Variants in PLCXD3 observed in about 807,000 individuals in gnomAD.
The protein encoded by PLCXD3 is phosphatidylinositol specific phospholipase C X domain containing 3, also known as PI-PLC X domain-containing protein 3.
Under a neutral mutation model 25.5 loss-of-function variants are expected in PLCXD3, and 19 were observed. The ratio of observed to expected loss-of-function variants is 0.75; its 90% CI spans 0.52 to 1.09. PLCXD3 has a LOEUF of 1.09. PLCXD3 is among the 50% of genes least tolerant of loss of function. The pLI, the probability that PLCXD3 is intolerant of heterozygous loss-of-function variation, is 0.00. For synonymous variants in PLCXD3, 174 were observed against 137.6 expected (o/e 1.26, Z -1.85); for missense variants, 411 against 388.1 (o/e 1.06, Z -0.50).
At chr5:41,404,306 C>A (rs1363418117) in intron 1 of PLCXD3, among the ~76,000 whole-genome samples, 1 of 152,054 alleles carries the variant, frequency 6.6e-6, no homozygotes, top group Non-Finnish European at 1.5e-5. Context: ...CCATGTGGAA[C>A]CATGTTAATG....
chr5:41,357,947 T>C lies in PLCXD3; in HGVS notation c.812+23879A>G, dbSNP rs147087754. Among the ~76,000 whole-genome samples the C allele has an allele frequency of 1.6e-3, 251 of 152,344 alleles. 1 individual carries two copies. Among genetic ancestry groups the C allele is most frequent in the Non-Finnish European group, 2.7e-3 (181 of 68,022 alleles). Reference sequence around the variant, plus strand: ...AATAGGGTTCTATTTAAAGTAAACCTAATTATTCTCAATGATAAAATCAAT... The same window carrying C: ...AATAGGGTTCTATTTAAAGTAAACCCAATTATTCTCAATGATAAAATCAAT... On this transcript the variant is annotated intron_variant, in intron 2 of 2. Coordinates refer to ENST00000377801, the MANE Select transcript of PLCXD3 (RefSeq NM_001005473.3).
chr5:41,495,344 G>C (rs1748810548), intron 1 of PLCXD3, among the ~76,000 whole-genome samples: 1 of 152,200 alleles, frequency 6.6e-6, no homozygotes, highest in Non-Finnish European at 1.5e-5. Context: ...AAATTTTTGG[G>C]CAACTTGCTG....
At chr5:41,352,560 T>G (rs1307475389) in intron 2 of PLCXD3, among the ~76,000 whole-genome samples, 9 of 152,216 alleles carry the variant, frequency 5.9e-5, no homozygotes, top group Admixed American at 5.9e-4. Context: ...CTCTGCCTAT[T>G]TTTCTGAATG....
chr5:41,428,374 G>GTTTTTTTTTTTTTT lies in PLCXD3; in HGVS notation c.104-45841_104-45840insAAAAAAAAAAAAAA, dbSNP rs373244601. ...TAAAGAGGTGATTAAGTTAAAATGAGTTTTTTTGTTTTTGTTTTTGTTTTT... is the reference window on the plus strand; with the variant it reads ...TAAAGAGGTGATTAAGTTAAAATGAGTTTTTTTTTTTTTTTTTTTTTGTTTTTGTTTTTGTTTTT... On this transcript the variant is annotated intron_variant, in intron 1 of 2. Coordinates refer to ENST00000377801, the MANE Select transcript of PLCXD3 (RefSeq NM_001005473.3). Among the ~76,000 whole-genome samples the GTTTTTTTTTTTTTT allele has an allele frequency of 4.4e-5, 4 of 91,600 alleles. 2 individuals carry two copies. The allele number at this position is 91,600 out of a possible 152,430, so 60.1% of individuals were successfully genotyped here.
At chr5:41,498,497 T>C (rs1268187476) in intron 1 of PLCXD3, among the ~76,000 whole-genome samples, 1 of 151,650 alleles carries the variant, frequency 6.6e-6, no homozygotes, top group Non-Finnish European at 1.5e-5. Context: ...AACAACCCTA[T>C]AATAGTAAGG....
At chr5:41,372,440 T>G (rs1392274852) in intron 2 of PLCXD3, among the ~76,000 whole-genome samples, 1 of 152,064 alleles carries the variant, frequency 6.6e-6, no homozygotes, top group East Asian at 1.9e-4. Context: ...CTTGCCTGTA[T>G]TTAAATGTAT....
At chr5:41,356,830 CTGG>C (rs1744633161) in intron 2 of PLCXD3, among the ~76,000 whole-genome samples, 1 of 152,144 alleles carries the variant, frequency 6.6e-6, no homozygotes, top group Non-Finnish European at 1.5e-5. Flanking sequence ...GTCATCCCTC[CTGG>C]AGGGCTGCAT....
chr5:41,356,502 CT>C (rs1266725890), intron 2 of PLCXD3, among the ~76,000 whole-genome samples: 4 of 152,154 alleles, frequency 2.6e-5, no homozygotes, highest in Non-Finnish European at 5.9e-5. Context: ...TATTAATTGA[CT>C]TTTAGGTTAT....
At chr5:41,440,012 G>A (rs1291239060) in intron 1 of PLCXD3, among the ~76,000 whole-genome samples, 2 of 151,990 alleles carry the variant, frequency 1.3e-5, no homozygotes, top group Middle Eastern at 3.2e-3. Flanking sequence ...AGTCAGTTGG[G>A]ACAATGATAG....
rs201779637 is a variant in PLCXD3 at position 41,348,639 on chromosome 5, TTTTGTTTG to T, written c.812+33179_812+33186del. On this transcript the variant is annotated intron_variant, in intron 2 of 2. Coordinates refer to ENST00000377801, the MANE Select transcript of PLCXD3 (RefSeq NM_001005473.3). ...ACAAATACAGAAAATTACTGAGTTT[TTTTGTTTG>T]TTTGTTTGTTTGTTTGTTTGTTTTA... Among the ~76,000 whole-genome samples the T allele has an allele frequency of 1.4e-3, 220 of 152,112 alleles. 5 individuals are homozygous for T. The highest frequency in any genetic ancestry group is 1.1e-3 in the Non-Finnish European group (75 of 68,002).
intron 1 of PLCXD3, among the ~76,000 whole-genome samples, chr5:41,492,719 G>A (rs141517975): frequency 0.012 from 1,767 of 152,208 alleles, 31 homozygotes; most frequent in African/African-American, 0.04. Context: ...CCAGTTGACC[G>A]CATCAGCTCC....
At chr5:41,462,087 A>G (rs761080354) in intron 1 of PLCXD3, among the ~76,000 whole-genome samples, 1 of 152,036 alleles carries the variant, frequency 6.6e-6, no homozygotes, top group Non-Finnish European at 1.5e-5. Context: ...AGCAGATGTC[A>G]TACCTCTGTA....
chr5:41,360,778 A>T (rs1439685462), intron 2 of PLCXD3, among the ~76,000 whole-genome samples: 1 of 151,640 alleles, frequency 6.6e-6, no homozygotes, highest in Non-Finnish European at 1.5e-5. Flanking sequence ...AGTGAAGTGG[A>T]CTCTGTGAGG....
At position 41,465,353 on chromosome 5, in the gene PLCXD3, C is replaced by CTTTTTTTTTTTTTTTTTTTTTTTTTT. The variant is rs58098437; in HGVS notation, c.103+45045_103+45070dup. On this transcript the variant is annotated intron_variant, in intron 1 of 2. Transcript: ENST00000377801. ...TCCTACTTTCCCCACTAGTTCTTGTCTTTTTTTTTTTTTTTTTTTTTTTTT... is the reference window on the plus strand; with the variant it reads ...TCCTACTTTCCCCACTAGTTCTTGTCTTTTTTTTTTTTTTTTTTTTTTTTTTTTTTTTTTTTTTTTTTTTTTTTTTT... Among the ~76,000 whole-genome samples the CTTTTTTTTTTTTTTTTTTTTTTTTTT allele has an allele frequency of 1.3e-3, 17 of 13,234 alleles. 6 individuals carry two copies. The highest frequency in any genetic ancestry group is 1.9e-3 in the Non-Finnish European group (14 of 7,444). The allele number at this position is 13,234 out of a possible 152,430, so 8.7% of individuals were successfully genotyped here.
At position 41,428,374 on chromosome 5, in the gene PLCXD3, G is replaced by GTTTTTTTTTTTTTTTTTTTTTTTTTTTT. The variant is rs373244601; in HGVS notation, c.104-45841_104-45840insAAAAAAAAAAAAAAAAAAAAAAAAAAAA. 1.5e-4 allele frequency among the ~76,000 whole-genome samples: 14 copies of GTTTTTTTTTTTTTTTTTTTTTTTTTTTT among 91,600 alleles called. 6 individuals are homozygous for GTTTTTTTTTTTTTTTTTTTTTTTTTTTT. Among genetic ancestry groups the GTTTTTTTTTTTTTTTTTTTTTTTTTTTT allele is most frequent in the Non-Finnish European group, 1.4e-4 (6 of 43,082 alleles). The allele number at this position is 91,600 out of a possible 152,430, so 60.1% of individuals were successfully genotyped here. A position where few individuals can be genotyped will look rare whatever the true frequency, so the allele number is the denominator to read the frequency against. On this transcript the variant is annotated intron_variant, in intron 1 of 2. Coordinates refer to ENST00000377801, the MANE Select transcript of PLCXD3 (RefSeq NM_001005473.3). Reference sequence around the variant, plus strand: ...TAAAGAGGTGATTAAGTTAAAATGAGTTTTTTTGTTTTTGTTTTTGTTTTT... The same window carrying GTTTTTTTTTTTTTTTTTTTTTTTTTTTT: ...TAAAGAGGTGATTAAGTTAAAATGAGTTTTTTTTTTTTTTTTTTTTTTTTTTTTTTTTTTTGTTTTTGTTTTTGTTTTT...
At chr5:41,378,430 T>C in intron 2 of PLCXD3, among the ~76,000 whole-genome samples, 1 of 152,122 alleles carries the variant, frequency 6.6e-6, no homozygotes, top group East Asian at 1.9e-4. Context: ...GTAATTTTCA[T>C]AATCCTATAG....
chr5:41,329,772 AT>A (rs958625498), intron 2 of PLCXD3, among the ~76,000 whole-genome samples: 9 of 149,766 alleles, frequency 6.0e-5, no homozygotes, highest in African/African-American at 1.2e-4. Flanking sequence ...ATTAGAATTA[AT>A]TTTTTTATAT....
chr5:41,400,044 T>G (rs556275806), intron 1 of PLCXD3, among the ~76,000 whole-genome samples: 1 of 152,248 alleles, frequency 6.6e-6, no homozygotes, highest in East Asian at 1.9e-4. Flanking sequence ...GAATAGACAC[T>G]TCTCAAAAGA....
In PLCXD3 at chr5:41,493,344, G is replaced by A. The variant is rs534086195; in HGVS notation, c.103+17080C>T. Among the ~76,000 whole-genome samples, 147 of 152,280 alleles carry A rather than the reference G, an allele frequency of 9.7e-4. 3 individuals carry two copies. The highest frequency in any genetic ancestry group is 1.0e-4 in the Non-Finnish European group (7 of 68,026). ...TGTGAGGTGTCAGTCTGCCCCTACT[G>A]GGGGGTGCCTCCCAGTTAGGCTGCT... On this transcript the variant is annotated intron_variant, in intron 1 of 2. Transcript: ENST00000377801.
Sources: allele counts gnomAD v4.1 joint callset (sites outside exome capture counted in the v4.1 genomes callset), GRCh38; gene constraint gnomAD v4.1.1; transcripts MANE v1.5; gene names NCBI Gene and HGNC (gene_info 2026-07-23, HGNC 2026-07-21).